BICD1: variants seen among roughly 807,000 people sequenced by gnomAD.
BICD1 encodes the protein protein bicaudal D homolog 1.
Under a neutral mutation model 92.5 loss-of-function variants are expected in BICD1, and 35 were observed. The observed-to-expected ratio is 0.38, with a 90% CI of 0.29 to 0.50. The LOEUF is 0.50. BICD1 is among the 20% of genes least tolerant of loss of function. BICD1 has a pLI of 0.93. For missense variants in BICD1, 950 were observed against 1,189.8 expected (o/e 0.80, Z 2.97); for synonymous variants, 429 against 465.1 (o/e 0.92, Z 1.00).
intron 8 of BICD1, among the ~76,000 whole-genome samples, chr12:32,361,875 C>T (rs895702952): frequency 6.6e-6 from 1 of 152,206 alleles, no homozygotes; most frequent in Non-Finnish European, 1.5e-5. Flanking sequence ...CACTACTCAT[C>T]GTGGCTGGGT....
At chr12:32,267,125 C>T (rs1252385394) in intron 2 of BICD1, among the ~76,000 whole-genome samples, 1 of 152,204 alleles carries the variant, frequency 6.6e-6, no homozygotes, top group Non-Finnish European at 1.5e-5. Context: ...TTGGTAAATG[C>T]TCTCTGATAG....
chr12:32,317,911 G>C (rs1448543865), intron 4 of BICD1, among the ~76,000 whole-genome samples: 1 of 152,080 alleles, frequency 6.6e-6, no homozygotes, highest in African/African-American at 2.4e-5. Flanking sequence ...AAGGGATCCA[G>C]TTTCAGCTTT....
At chr12:32,121,657 G>A (rs947989066) in intron 1 of BICD1, among the ~76,000 whole-genome samples, 3 of 151,770 alleles carry the variant, frequency 2.0e-5, no homozygotes, top group African/African-American at 7.3e-5. Flanking sequence ...GATGGCTTGA[G>A]CCCAGGAGGC....
intron 2 of BICD1, among the ~76,000 whole-genome samples, chr12:32,248,253 G>A (rs1415988609): frequency 6.6e-6 from 1 of 152,216 alleles, no homozygotes. Flanking sequence ...GGTTGCTGAT[G>A]ACTTGGCAGG....
intron 2 of BICD1, among the ~76,000 whole-genome samples, chr12:32,251,899 T>G (rs1483988065): frequency 6.8e-6 from 1 of 147,766 alleles, no homozygotes; most frequent in Non-Finnish European, 1.5e-5. Context: ...CCTCCAGTGA[T>G]GAGTAAGAGT....
chr12:32,306,028 C>T lies in BICD1; in HGVS notation c.911C>T (p.Thr304Ile). 6.2e-7 allele frequency: 1 copy of T among 1,614,044 alleles called. No individual in the cohort carries two copies. The highest frequency in any genetic ancestry group is 8.5e-7 in the Non-Finnish European group (1 of 1,180,000). Residue 304 changes from threonine to isoleucine, a missense_variant, in exon 4 of 10, where the codon ACC (threonine) becomes ATC (isoleucine). By Grantham distance (89) the Thr-to-Ile change is moderately conservative. Coordinates refer to ENST00000652176, the MANE Select transcript of BICD1 (RefSeq NM_001714.4). ...VKLNGDYRTP[T>I]LRKGESLNPV... ...CTGAATGGAGACTATCGGACTCCCA[C>T]CTTAAGGAAAGGAGAGTCTCTGAAC...
chr12:32,182,895 T>C (rs1490863614), intron 1 of BICD1, among the ~76,000 whole-genome samples: 2 of 145,602 alleles, frequency 1.4e-5, no homozygotes, highest in East Asian at 3.9e-4. Flanking sequence ...TCTTTCTTTT[T>C]TTTTTTTTTT....
intron 2 of BICD1, among the ~76,000 whole-genome samples, chr12:32,244,629 A>ATTT (rs57854307): frequency 1.5e-5 from 2 of 135,694 alleles, no homozygotes; most frequent in South Asian, 2.3e-4. Flanking sequence ...TTGATATAGG[A>ATTT]TTTTTTTTTT....
chr12:32,375,879 C>T (rs570686451), intron 9 of BICD1, among the ~76,000 whole-genome samples: 2 of 152,152 alleles, frequency 1.3e-5, no homozygotes, highest in African/African-American at 4.8e-5. Flanking sequence ...AAATTTAAAG[C>T]TAATTTTAAT....
intron 2 of BICD1, among the ~76,000 whole-genome samples, chr12:32,226,851 A>G (rs986320501): frequency 1.3e-5 from 2 of 152,250 alleles, no homozygotes; most frequent in Non-Finnish European, 2.9e-5. Context: ...CTTGCTCCTG[A>G]TAACACCCAA....
chr12:32,335,378 C>A (rs1185470691), intron 6 of BICD1, among the ~76,000 whole-genome samples: 1 of 151,934 alleles, frequency 6.6e-6, no homozygotes, highest in Non-Finnish European at 1.5e-5. Context: ...TCTCGATTTC[C>A]TGACCTCATG....
intron 8 of BICD1, among the ~76,000 whole-genome samples, chr12:32,356,160 C>G (rs543431084): frequency 9.5e-4 from 144 of 152,214 alleles, no homozygotes; most frequent in African/African-American, 3.4e-3. Flanking sequence ...TCACGTGAAC[C>G]CTGCAAGATT....
At chr12:32,246,039 A>AT (rs1383720223) in intron 2 of BICD1, among the ~76,000 whole-genome samples, 1 of 146,964 alleles carries the variant, frequency 6.8e-6, no homozygotes, top group East Asian at 1.9e-4. Context: ...CAAAAAAAAA[A>AT]AAAAAAAAAA....
At chr12:32,321,998 C>CA (rs1457160467) in intron 4 of BICD1, among the ~76,000 whole-genome samples, 2 of 151,908 alleles carry the variant, frequency 1.3e-5, no homozygotes, top group Admixed American at 6.6e-5. Flanking sequence ...GACTCCGTCT[C>CA]AAAAAAATAA....
At chr12:32,139,327 G>A (rs187792753) in intron 1 of BICD1, among the ~76,000 whole-genome samples, 327 of 152,282 alleles carry the variant, frequency 2.1e-3, no homozygotes, top group African/African-American at 7.3e-3. Context: ...TTTCAAGGCA[G>A]TGCTTTCATG....
At chr12:32,249,068 G>A (rs1946462984) in intron 2 of BICD1, among the ~76,000 whole-genome samples, 1 of 152,222 alleles carries the variant, frequency 6.6e-6, no homozygotes, top group Non-Finnish European at 1.5e-5. Flanking sequence ...GGGCGGGTTG[G>A]AGGTTCTCCA....
At chr12:32,192,946 C>T (rs963033622) in intron 1 of BICD1, among the ~76,000 whole-genome samples, 1 of 152,172 alleles carries the variant, frequency 6.6e-6, no homozygotes, top group African/African-American at 2.4e-5. Flanking sequence ...TATGGATGAA[C>T]ATCCTTCTTA....
chr12:32,187,909 G>A lies in BICD1; in HGVS notation c.214-28338G>A, dbSNP rs537712437. 5.7e-4 allele frequency among the ~76,000 whole-genome samples: 86 copies of A among 151,498 alleles called. 1 individual carries two copies. Among genetic ancestry groups the A allele is most frequent in the African/African-American group, 2.0e-3 (83 of 41,298 alleles). ...TTGTTGTTTTTTGAGACGGAGTCTC[G>A]CTCTGTCACGCAGGCTGGAATCTAC... On this transcript the variant is annotated intron_variant, in intron 1 of 9. Transcript: ENST00000652176.
At chr12:32,291,908 T>C (rs1160286283) in intron 2 of BICD1, among the ~76,000 whole-genome samples, 1 of 152,128 alleles carries the variant, frequency 6.6e-6, no homozygotes, top group Non-Finnish European at 1.5e-5. Context: ...GAAAGTCAGG[T>C]ATACTTCTAG....
Sources: allele counts gnomAD v4.1 joint callset (sites outside exome capture counted in the v4.1 genomes callset), GRCh38; gene constraint gnomAD v4.1.1; transcripts MANE v1.5; gene names NCBI Gene and HGNC (gene_info 2026-07-23, HGNC 2026-07-21).